The following GPR25 variants were observed in gnomAD, a reference collection of about 807,000 sequenced individuals.
GPR25 encodes G protein-coupled receptor 25.
For missense variants in GPR25, 501 were observed against 503.0 expected (o/e 1.00, Z 0.04); for synonymous variants, 280 against 264.9 (o/e 1.06, Z -0.55).
chr1:200,873,256 G>A lies in GPR25; in HGVS notation c.219G>A (p.Leu73=). The part of the protein sequence containing the change: ...LLAGRRGPRR[L]VDTFVLHLAA... ...CCGGGCGGCGGGGCCCGCGGCGGCT[G>A]GTGGATACCTTCGTGCTGCACCTGG... The change falls in exon 1 of 1, where the codon CTG becomes CTA. Residue 73 remains leucine, a synonymous_variant. Transcript: ENST00000304244. 1 of 1,571,962 alleles carries A rather than the reference G, an allele frequency of 6.4e-7. No homozygotes were observed. The highest frequency in any genetic ancestry group is 8.6e-7 in the Non-Finnish European group (1 of 1,163,534).
In GPR25 at chr1:200,873,702, ACTGCCGCAT is replaced by A. The variant is rs942393551; in HGVS notation, c.668_676del (p.Cys223_Ile225del). 2 of 1,597,842 alleles carry A rather than the reference ACTGCCGCAT, an allele frequency of 1.3e-6. No individual in the cohort carries two copies. Among genetic ancestry groups the A allele is most frequent in the Non-Finnish European group, 1.7e-6 (2 of 1,179,070 alleles). ...CCCCTGGTCGTCACCCTCTTCTGCT[ACTGCCGCAT>A]CTCGCGCCGCCTGCGACGGCCGCCG... On this transcript the variant is annotated inframe_deletion, in exon 1 of 1. Transcript: ENST00000304244.
Position 200,873,301 on chromosome 1 carries a change from C to G in GPR25, c.264C>G (p.Phe88Leu), listed in dbSNP as rs1410071019. 2.0e-6 allele frequency: 3 copies of G among 1,534,836 alleles called. No homozygotes were observed. Among genetic ancestry groups the G allele is most frequent in the African/African-American group, 1.4e-5 (1 of 72,322 alleles). ...ACCTGGCGGCAGCTGACCTGGGCTT[C>G]GTGCTCACGCTGCCGCTGTGGGCCG... Reference protein sequence around the residue: ...VLHLAAADLGFVLTLPLWAAA... With the variant: ...VLHLAAADLGLVLTLPLWAAA... The change falls in exon 1 of 1, where the codon TTC (phenylalanine) becomes TTG (leucine). Residue 88 changes from phenylalanine (F) to leucine (L), a missense_variant. By Grantham distance (22) the Phe-to-Leu change is conservative. Coordinates refer to ENST00000304244, the MANE Select transcript of GPR25 (RefSeq NM_005298.4).
Position 200,873,446 on chromosome 1 carries a change from C to G in GPR25, c.409C>G (p.Arg137Gly). 6.4e-7 allele frequency: 1 copy of G among 1,551,882 alleles called. No homozygotes were observed. The highest frequency in any genetic ancestry group is 8.6e-7 in the Non-Finnish European group (1 of 1,158,374). The change falls in exon 1 of 1, where the codon CGC becomes GGC. Residue 137 changes from arginine (R) to glycine (G), a missense_variant. Coordinates refer to ENST00000304244, the MANE Select transcript of GPR25 (RefSeq NM_005298.4). ...GCTGCTGGCGGGCATGAGCGTGGAC[C>G]GCTACCTGGCCGTGGTGAAGCTGCT... Reference protein sequence around the residue: ...ALLLAGMSVDRYLAVVKLLEA... With the variant: ...ALLLAGMSVDGYLAVVKLLEA...
rs1668009788 is a variant in GPR25, at chr1:200,874,039, C to T, written c.1002C>T (p.Ser334=). 3.1e-6 allele frequency: 5 copies of T among 1,610,804 alleles called. No individual in the cohort carries two copies. Among genetic ancestry groups the T allele is most frequent in the Non-Finnish European group, 4.2e-6 (5 of 1,178,984 alleles). Residue 334 remains serine, a synonymous_variant, in exon 1 of 1, where the codon AGC becomes AGT. Transcript: ENST00000304244. Reference sequence around the variant, plus strand: ...CCGGCCGCCTGGCGCGAAGGATCAGCTCAGCCTCCTCGCTCTCCAGGGACG... The same window carrying T: ...CCGGCCGCCTGGCGCGAAGGATCAGTTCAGCCTCCTCGCTCTCCAGGGACG... ...GRTGRLARRI[S]SASSLSRDDS...
At position 200,874,157 on chromosome 1, in the gene GPR25, A is replaced by G; in HGVS notation, c.*34A>G. On this transcript the variant is annotated 3_prime_UTR_variant, in exon 1 of 1. Coordinates refer to ENST00000304244, the MANE Select transcript of GPR25 (RefSeq NM_005298.4). ...GGCCGCTGGAGGTGGGCGGCAGCGG[A>G]GCATCGAGAGGAGGCCAGAGGTCCC... 6.7e-7 allele frequency: 1 copy of G among 1,491,548 alleles called. No homozygotes were observed. The highest frequency in any genetic ancestry group is 1.3e-5 in the South Asian group (1 of 74,772). The allele number at this position is 1,491,548 out of a possible 1,614,324, so 92.4% of individuals were successfully genotyped here. A position where few individuals can be genotyped will look rare whatever the true frequency, so the allele number is the denominator to read the frequency against.
In GPR25 at chr1:200,873,421, G is replaced by C; in HGVS notation, c.384G>C (p.Leu128=). The C allele has an allele frequency of 6.6e-7, 1 of 1,511,476 alleles. No individual in the cohort carries two copies. The highest frequency in any genetic ancestry group is 8.8e-7 in the Non-Finnish European group (1 of 1,139,362). 93.6% of individuals were successfully genotyped at this position (1,511,476 alleles called of 1,614,324 possible). A position where few individuals can be genotyped will look rare whatever the true frequency, so the allele number is the denominator to read the frequency against. The change falls in exon 1 of 1, where the codon CTG becomes CTC. Residue 128 remains leucine, a synonymous_variant. Transcript: ENST00000304244. Reference sequence around the variant, plus strand: ...CGGGCACGCGCTGCGCGGGCGCGCTGCTGCTGGCGGGCATGAGCGTGGACC... The same window carrying C: ...CGGGCACGCGCTGCGCGGGCGCGCTCCTGCTGGCGGGCATGAGCGTGGACC... ...ALAGTRCAGA[L]LLAGMSVDRY... is the part of the protein sequence containing the mutation.
In GPR25 at chr1:200,873,587, C is replaced by T. The variant is rs930213514; in HGVS notation, c.550C>T (p.Pro184Ser). 6.3e-6 allele frequency: 10 copies of T among 1,588,300 alleles called. No individual in the cohort carries two copies. Among genetic ancestry groups the T allele is most frequent in the Middle Eastern group, 1.8e-4 (1 of 5,700 alleles). ...SLVYRGLQPL[P>S]GGQDSQCGEE... ...GGTCTACCGGGGGTTGCAGCCCCTG[C>T]CTGGGGGCCAGGACAGCCAGTGCGG... The change falls in exon 1 of 1, where the codon CCT becomes TCT. Residue 184 changes from proline to serine, a missense_variant. Pro to Ser is a moderately conservative substitution (Grantham distance 74). Transcript: ENST00000304244.
At position 200,873,025 on chromosome 1, in the gene GPR25, T is replaced by A; in HGVS notation, c.-13T>A. The A allele has an allele frequency of 6.6e-7, 1 of 1,523,530 alleles. No homozygotes were observed. The highest frequency in any genetic ancestry group is 1.4e-5 in the African/African-American group (1 of 73,110). The allele number at this position is 1,523,530 out of a possible 1,614,324, so 94.4% of individuals were successfully genotyped here. A position where few individuals can be genotyped will look rare whatever the true frequency, so the allele number is the denominator to read the frequency against. ...CCCAGGGCTGCACTCCGCGCAGGCC[T>A]CATAGCCAGGCCATGGCCCCCACAG... On this transcript the variant is annotated 5_prime_UTR_variant, in exon 1 of 1. Coordinates refer to ENST00000304244, the MANE Select transcript of GPR25 (RefSeq NM_005298.4).
Position 200,873,857 on chromosome 1 carries a change from G to A in GPR25, c.820G>A (p.Ala274Thr), listed in dbSNP as rs1229090901. The change falls in exon 1 of 1, where the codon GCG (alanine) becomes ACG (threonine). Residue 274 changes from alanine (A) to threonine (T), a missense_variant. Transcript: ENST00000304244. ...CGTCTTCCACCTGGCGCGTCTGGGG[G>A]CGCTGCCGCTGCCGTGCCCCCTGCT... ...RAVFHLARLGALPLPCPLLLA... is the reference protein window; with the variant it reads ...RAVFHLARLGTLPLPCPLLLA... The A allele has an allele frequency of 6.2e-7, 1 of 1,604,018 alleles. No individual in the cohort carries two copies.
Position 200,873,554 on chromosome 1 carries a change from C to A in GPR25, c.517C>A (p.Pro173Thr). The change falls in exon 1 of 1, where the codon CCC becomes ACC. Residue 173 changes from proline to threonine, a missense_variant. By Grantham distance (38) the Pro-to-Thr change is conservative. Transcript: ENST00000304244. ...GGCCGTGGCGCTGCTGGCCGGCCTG[C>A]CCTCCCTGGTCTACCGGGGGTTGCA... ...VWAVALLAGL[P>T]SLVYRGLQPL... The A allele has an allele frequency of 6.4e-7, 1 of 1,570,230 alleles. No individual in the cohort carries two copies. Among genetic ancestry groups the A allele is most frequent in the Non-Finnish European group, 8.6e-7 (1 of 1,166,012 alleles).
chr1:200,873,827 C>T lies in GPR25; in HGVS notation c.790C>T (p.Arg264Trp), dbSNP rs776242726. The T allele has an allele frequency of 1.7e-5, 27 of 1,601,240 alleles. No individual in the cohort carries two copies. Among genetic ancestry groups the T allele is most frequent in the Admixed American group, 3.3e-5 (2 of 59,960 alleles). ...CTCCTGGCTGCCCTTCAGCGCCCTG[C>T]GGGCCGTCTTCCACCTGGCGCGTCT... is the stretch of plus-strand genomic sequence containing the variant. ...VGSWLPFSAL[R>W]AVFHLARLGA... The change falls in exon 1 of 1, where the codon CGG (arginine) becomes TGG (tryptophan). Residue 264 changes from arginine to tryptophan, a missense_variant. Arg to Trp is a moderately radical substitution (Grantham distance 101). Transcript: ENST00000304244.
In GPR25 at chr1:200,873,865, G is replaced by T. The variant is rs777611049; in HGVS notation, c.828G>T (p.Pro276=). 6.2e-7 allele frequency: 1 copy of T among 1,605,340 alleles called. No homozygotes were observed. The highest frequency in any genetic ancestry group is 8.5e-7 in the Non-Finnish European group (1 of 1,178,836). ...ACCTGGCGCGTCTGGGGGCGCTGCC[G>T]CTGCCGTGCCCCCTGCTGCTGGCGC... The part of the protein sequence containing the change: ...VFHLARLGAL[P]LPCPLLLALR... Residue 276 remains proline, a synonymous_variant, in exon 1 of 1, where the codon CCG becomes CCT. Coordinates refer to ENST00000304244, the MANE Select transcript of GPR25 (RefSeq NM_005298.4).
At position 200,873,459 on chromosome 1, in the gene GPR25, T is replaced by C. The variant is rs907154378; in HGVS notation, c.422T>C (p.Val141Ala). ...AGMSVDRYLA[V>A]VKLLEARPLR... ...ATGAGCGTGGACCGCTACCTGGCCG[T>C]GGTGAAGCTGCTCGAGGCGAGGCCA... Residue 141 changes from valine (V) to alanine (A), a missense_variant, in exon 1 of 1, where the codon GTG becomes GCG. By Grantham distance (64) the Val-to-Ala change is moderately conservative. Transcript: ENST00000304244. 2 of 1,560,304 alleles carry C rather than the reference T, an allele frequency of 1.3e-6. No individual in the cohort carries two copies. The highest frequency in any genetic ancestry group is 1.7e-6 in the Non-Finnish European group (2 of 1,162,286).
chr1:200,873,167 G>C lies in GPR25; in HGVS notation c.130G>C (p.Ala44Pro). The change falls in exon 1 of 1, where the codon GCG becomes CCG. Residue 44 changes from alanine (A) to proline (P), a missense_variant. Coordinates refer to ENST00000304244, the MANE Select transcript of GPR25 (RefSeq NM_005298.4). ...DLPYGYVYIP[A>P]LYLAAFAVGL... is the part of the protein sequence containing the mutation. ...GCCCTACGGCTACGTCTACATCCCC[G>C]CGCTCTACCTGGCGGCCTTCGCCGT... The C allele has an allele frequency of 6.2e-7, 1 of 1,606,798 alleles. No individual in the cohort carries two copies. Among genetic ancestry groups the C allele is most frequent in the Non-Finnish European group, 8.5e-7 (1 of 1,179,216 alleles).
In GPR25 at chr1:200,873,787, G is replaced by T; in HGVS notation, c.750G>T (p.Glu250Asp). 6.3e-7 allele frequency: 1 copy of T among 1,599,682 alleles called. No individual in the cohort carries two copies. Residue 250 changes from glutamate to aspartate, a missense_variant, in exon 1 of 1, where the codon GAG becomes GAT. By Grantham distance (45) the Glu-to-Asp change is conservative. Coordinates refer to ENST00000304244, the MANE Select transcript of GPR25 (RefSeq NM_005298.4). ...RNSLRIIFAIESTFVGSWLPF... is the reference protein window; with the variant it reads ...RNSLRIIFAIDSTFVGSWLPF... ...CGCTGCGCATCATCTTCGCCATCGAGAGCACGTTTGTGGGCTCCTGGCTGC... is the reference window on the plus strand; with the variant it reads ...CGCTGCGCATCATCTTCGCCATCGATAGCACGTTTGTGGGCTCCTGGCTGC...
Position 200,873,544 on chromosome 1 carries a change from G to T in GPR25, c.507G>T (p.Leu169=). The change falls in exon 1 of 1, where the codon CTG becomes CTT. Residue 169 remains leucine (L), a synonymous_variant. Transcript: ENST00000304244. ...GCGGCGTCTGGGCCGTGGCGCTGCT[G>T]GCCGGCCTGCCCTCCCTGGTCTACC... ...SCCGVWAVAL[L]AGLPSLVYRG... 6.4e-7 allele frequency: 1 copy of T among 1,564,374 alleles called. No individual in the cohort carries two copies. Among genetic ancestry groups the T allele is most frequent in the East Asian group, 2.3e-5 (1 of 42,952 alleles).
Position 200,874,128 on chromosome 1 carries a change from C to T in GPR25, c.*5C>T. The T allele has an allele frequency of 6.6e-7, 1 of 1,522,454 alleles. No individual in the cohort carries two copies. The highest frequency in any genetic ancestry group is 8.9e-7 in the Non-Finnish European group (1 of 1,129,710). The allele number at this position is 1,522,454 out of a possible 1,614,324, so 94.3% of individuals were successfully genotyped here. A position where few individuals can be genotyped will look rare whatever the true frequency, so the allele number is the denominator to read the frequency against. ...ACTGCCTCGGCCTCCTGGTAGCTGC[C>T]CCGGGCCGCTGGAGGTGGGCGGCAG... On this transcript the variant is annotated 3_prime_UTR_variant, in exon 1 of 1. Transcript: ENST00000304244.
Position 200,873,218 on chromosome 1 carries a change from G to C in GPR25, c.181G>C (p.Val61Leu), listed in dbSNP as rs746179416. 2.5e-6 allele frequency: 4 copies of C among 1,602,832 alleles called. No homozygotes were observed. The South Asian group carries it at 3.3e-5, about 13-fold the overall frequency. The change falls in exon 1 of 1, where the codon GTG becomes CTG. Residue 61 changes from valine to leucine, a missense_variant. Val to Leu is a conservative substitution (Grantham distance 32). Transcript: ENST00000304244. The stretch of plus-strand genomic sequence containing the variant: ...GGGCCTGCTGGGCAACGCCTTTGTG[G>C]TGTGGCTGCTGGCCGGGCGGCGGGG... ...AVGLLGNAFV[V>L]WLLAGRRGPR...
chr1:200,873,626 C>G lies in GPR25; in HGVS notation c.589C>G (p.His197Asp). 1 of 1,596,906 alleles carries G rather than the reference C, an allele frequency of 6.3e-7. No individual in the cohort carries two copies. Among genetic ancestry groups the G allele is most frequent in the East Asian group, 2.2e-5 (1 of 44,792 alleles). ...QDSQCGEEPSHAFQGLSLLLL... is the reference protein window; with the variant it reads ...QDSQCGEEPSDAFQGLSLLLL... ...CAGCCAGTGCGGCGAGGAGCCCTCCCACGCCTTCCAGGGCCTCAGCTTGCT... is the reference window on the plus strand; with the variant it reads ...CAGCCAGTGCGGCGAGGAGCCCTCCGACGCCTTCCAGGGCCTCAGCTTGCT... The change falls in exon 1 of 1, where the codon CAC (histidine) becomes GAC (aspartate). Residue 197 changes from histidine (H) to aspartate (D), a missense_variant. Coordinates refer to ENST00000304244, the MANE Select transcript of GPR25 (RefSeq NM_005298.4).
Sources: allele counts gnomAD v4.1 joint callset, GRCh38; gene constraint gnomAD v4.1.1; transcripts MANE v1.5; gene names NCBI Gene and HGNC (gene_info 2026-07-23, HGNC 2026-07-21).